The following TGM6 variants were observed in gnomAD, a reference collection of about 807,000 sequenced individuals.
TGM6 encodes protein-glutamine gamma-glutamyltransferase 6.
Under a neutral mutation model 77.5 loss-of-function variants are expected in TGM6, and 74 were observed. That is an observed-to-expected ratio of 0.96 (90% CI 0.79 to 1.16). TGM6 has a LOEUF of 1.16. Ranked by LOEUF, TGM6 falls within the 50% of genes most tolerant of loss-of-function variation. TGM6 has a pLI of 0.00. For missense variants in TGM6, 968 were observed against 940.2 expected (o/e 1.03, Z -0.39); for synonymous variants, 383 against 378.9 (o/e 1.01, Z -0.12).
At position 2,425,377 on chromosome 20, in the gene TGM6, A is replaced by G. The variant is rs149077461; in HGVS notation, c.1679-5069A>G. Among the ~76,000 whole-genome samples, 847 of 152,218 alleles carry G rather than the reference A, an allele frequency of 5.6e-3. 4 individuals are homozygous for G. Among genetic ancestry groups the G allele is most frequent in the Admixed American group, 0.011 (164 of 15,266 alleles). On this transcript the variant is annotated intron_variant, in intron 10 of 12. Coordinates refer to ENST00000202625, the MANE Select transcript of TGM6 (RefSeq NM_198994.3). ...GAAAAAAAAAAAAAGATCACTGATC[A>G]TAGAAGCAAACACATGCTCTTGGAA...
chr20:2,406,492 CAAA>C (rs10626077), intron 9 of TGM6, among the ~76,000 whole-genome samples: 5 of 131,048 alleles, frequency 3.8e-5, no homozygotes, highest in Non-Finnish European at 4.9e-5. Context: ...GACCCTGTCT[CAAA>C]AAAAAAAAAA....
At chr20:2,386,113 C>G (rs1174453655) in intron 1 of TGM6, among the ~76,000 whole-genome samples, 1 of 152,148 alleles carries the variant, frequency 6.6e-6, no homozygotes, top group African/African-American at 2.4e-5. Context: ...TGCCGTATAC[C>G]TAGGAGCCTC....
chr20:2,395,257 G>T lies in TGM6; in HGVS notation c.245G>T (p.Gly82Val), dbSNP rs144094215. ...TTCCAGACATCGGAGCTGGAGCGGG[G>T]TGAGGGCTGGACAGCAGCAAGGGAG... ...AVFQTSELER[G>V]EGWTAAREAQ... Residue 82 changes from glycine (G) to valine (V), a missense_variant, in exon 3 of 13, where the codon GGT (glycine) becomes GTT (valine). By Grantham distance (109) the Gly-to-Val change is moderately radical. Coordinates refer to ENST00000202625, the MANE Select transcript of TGM6 (RefSeq NM_198994.3). 1 of 1,614,116 alleles carries T rather than the reference G, an allele frequency of 6.2e-7. No individual in the cohort carries two copies. Among genetic ancestry groups the T allele is most frequent in the Non-Finnish European group, 8.5e-7 (1 of 1,180,022 alleles).
At chr20:2,399,032 T>C (rs1216945312) in intron 5 of TGM6, among the ~76,000 whole-genome samples, 1 of 151,652 alleles carries the variant, frequency 6.6e-6, no homozygotes, top group East Asian at 1.9e-4. Flanking sequence ...AGTCCTGAAC[T>C]CAAGGCTCCC....
At chr20:2,395,587 A>G in intron 3 of TGM6, 151 bp downstream of exon 3, 3 of 1,436,338 alleles carry the variant, frequency 2.1e-6, no homozygotes, top group Non-Finnish European at 2.9e-6. Flanking sequence ...GAGGTAGGCA[A>G]TGGTCAGAGA....
Position 2,396,670 on chromosome 20 carries a change from G to A in TGM6, c.543+46G>A, listed in dbSNP as rs776964940. On this transcript the variant is annotated intron_variant, in intron 4 of 12. Coordinates refer to ENST00000202625, the MANE Select transcript of TGM6 (RefSeq NM_198994.3). ...GACAAGGATGTGGGCTGGGGCATGG[G>A]GAGGTCGGTGGGACTGGAGTCCCTC... is the stretch of plus-strand genomic sequence containing the variant. The A allele has an allele frequency of 7.0e-6, 11 of 1,579,456 alleles. No individual in the cohort carries two copies. In the African/African-American group the frequency reaches 1.2e-4, roughly 17 times the overall value.
chr20:2,427,668 T>C (rs2084897069), intron 10 of TGM6, among the ~76,000 whole-genome samples: 1 of 152,230 alleles, frequency 6.6e-6, no homozygotes, highest in Non-Finnish European at 1.5e-5. Flanking sequence ...TTTTCTATCA[T>C]ATGTATTGAA....
intron 3 of TGM6, 41 bp from the exon 4 acceptor site, chr20:2,396,465 C>CAGA: frequency 6.2e-7 from 1 of 1,601,232 alleles, no homozygotes; most frequent in Middle Eastern, 1.7e-4. Context: ...CCAGCAAGGC[C>CAGA]AGAGCCCCAG....
intron 9 of TGM6, 43 bp downstream of exon 9, chr20:2,403,866 C>G (rs1344124168): frequency 1.2e-6 from 2 of 1,613,506 alleles, no homozygotes; most frequent in East Asian, 2.2e-5. Flanking sequence ...CCCCGGATGG[C>G]CCATCAGCTG....
intron 11 of TGM6, 35 bp from the exon 12 acceptor site, chr20:2,430,859 T>C (rs757898714): frequency 3.1e-6 from 5 of 1,613,486 alleles, no homozygotes; most frequent in Non-Finnish European, 4.2e-6. Context: ...GGAGGAGGGG[T>C]AGGCGCGATG....
At chr20:2,399,294 C>T (rs893796422) in intron 5 of TGM6, among the ~76,000 whole-genome samples, 3 of 152,074 alleles carry the variant, frequency 2.0e-5, no homozygotes, top group Admixed American at 6.5e-5. Flanking sequence ...AACAGTCCCC[C>T]AAAACAGATC....
chr20:2,395,811 G>C (rs1198221605), intron 3 of TGM6, among the ~76,000 whole-genome samples: 1 of 152,226 alleles, frequency 6.6e-6, no homozygotes, highest in African/African-American at 2.4e-5. Flanking sequence ...ACACCCATAG[G>C]GCTAATACTT....
intron 9 of TGM6, among the ~76,000 whole-genome samples, chr20:2,410,077 G>A (rs764043619): frequency 2.6e-5 from 4 of 152,152 alleles, no homozygotes; most frequent in Non-Finnish European, 4.4e-5. Context: ...CAGCTATATA[G>A]CACATTAGTG....
At chr20:2,412,467 A>G (rs966146154) in intron 9 of TGM6, among the ~76,000 whole-genome samples, 39 of 146,390 alleles carry the variant, frequency 2.7e-4, no homozygotes, top group African/African-American at 1.0e-3. Flanking sequence ...ACACTTAAAA[A>G]TGGTTAAGAT....
Position 2,396,452 on chromosome 20 carries a change from A to G in TGM6, c.425-54A>G. ...TGATCCCTGATGCAGCCCCTTCCCCAGGCCAGCAAGGCCAGAGCCCCAGTC... is the reference window on the plus strand; with the variant it reads ...TGATCCCTGATGCAGCCCCTTCCCCGGGCCAGCAAGGCCAGAGCCCCAGTC... On this transcript the variant is annotated intron_variant, in intron 3 of 12. Transcript: ENST00000202625. 3 of 1,569,598 alleles carry G rather than the reference A, an allele frequency of 1.9e-6. No homozygotes were observed. The Admixed American group carries it at 5.0e-5, about 26-fold the overall frequency.
chr20:2,424,392 T>C (rs755846591), intron 10 of TGM6, among the ~76,000 whole-genome samples: 1 of 152,252 alleles, frequency 6.6e-6, no homozygotes, highest in Non-Finnish European at 1.5e-5. Context: ...CTTGCACTTT[T>C]ATGTTATAGA....
At chr20:2,426,548 G>A (rs1361217837) in intron 10 of TGM6, among the ~76,000 whole-genome samples, 1 of 152,098 alleles carries the variant, frequency 6.6e-6, no homozygotes. Flanking sequence ...CTTCCAATAT[G>A]ATGTTGAAAA....
chr20:2,385,363 G>T (rs948489033), intron 1 of TGM6, among the ~76,000 whole-genome samples: 15 of 152,236 alleles, frequency 9.9e-5, no homozygotes, highest in African/African-American at 2.2e-4. Flanking sequence ...GGCTGGGGAG[G>T]GGGGAGGTGT....
intron 1 of TGM6, among the ~76,000 whole-genome samples, chr20:2,389,007 T>C (rs950441184): frequency 2.0e-5 from 3 of 152,210 alleles, no homozygotes; most frequent in African/African-American, 7.2e-5. Context: ...ATGACGTTGG[T>C]ACATTTTCAG....
Sources: gnomAD v4.1 joint callset for allele counts (sites outside exome capture counted in the v4.1 genomes callset) on GRCh38, gnomAD v4.1.1 for gene constraint, MANE v1.5 for transcripts, NCBI Gene and HGNC (gene_info 2026-07-23, HGNC 2026-07-21) for gene names.